ZC3H6: variants seen among roughly 807,000 people sequenced by gnomAD.
ZC3H6 encodes the protein zinc finger CCCH domain-containing protein 6.
Under a neutral mutation model 107.7 loss-of-function variants are expected in ZC3H6, and 40 were observed. The observed-to-expected ratio is 0.37, with a 90% CI of 0.29 to 0.48. The LOEUF (loss-of-function observed/expected upper bound fraction) is 0.48. Ranked by LOEUF, ZC3H6 falls within the 20% of genes least tolerant of loss-of-function variation. ZC3H6 has a pLI of 0.98. For synonymous variants in ZC3H6, 493 were observed against 487.9 expected (o/e 1.01, Z -0.14); for missense variants, 1,267 against 1,410.4 (o/e 0.90, Z 1.63).
At chr2:112,305,858 A>G (rs566860458) in intron 3 of ZC3H6, among the ~76,000 whole-genome samples, 1 of 152,292 alleles carries the variant, frequency 6.6e-6, no homozygotes, top group East Asian at 1.9e-4. Flanking sequence ...TATATCTTTC[A>G]TCCAGATTCC....
chr2:112,306,137 C>T (rs13031326), intron 3 of ZC3H6, among the ~76,000 whole-genome samples: 14,812 of 150,874 alleles, frequency 0.098, 1,003 homozygotes, highest in East Asian at 0.33. Context: ...AAATAGCAGA[C>T]TTCAGATACA....
In ZC3H6 at chr2:112,333,323, C is replaced by T. The variant is rs531705560; in HGVS notation, c.*835C>T. 5.9e-5 allele frequency: 9 copies of T among 152,640 alleles called. No individual in the cohort carries two copies. The highest frequency in any genetic ancestry group is 1.9e-4 in the African/African-American group (8 of 41,568). The allele number at this position is 152,640 out of a possible 1,614,324, so 9.5% of individuals were successfully genotyped here. A position where few individuals can be genotyped will look rare whatever the true frequency, so the allele number is the denominator to read the frequency against. On this transcript the variant is annotated 3_prime_UTR_variant, in exon 12 of 12. Coordinates refer to ENST00000409871, the MANE Select transcript of ZC3H6 (RefSeq NM_198581.3). ...GCTGCATTAATTGTGTTCATCATGACTTTGGCGATTTTTAACAAAATTTTT... is the reference window on the plus strand; with the variant it reads ...GCTGCATTAATTGTGTTCATCATGATTTTGGCGATTTTTAACAAAATTTTT...
intron 3 of ZC3H6, among the ~76,000 whole-genome samples, chr2:112,308,945 G>A (rs960526261): frequency 3.3e-5 from 5 of 151,836 alleles, no homozygotes; most frequent in Non-Finnish European, 7.4e-5. Flanking sequence ...CCAGCTACTT[G>A]GGAGGCTGAG....
At chr2:112,292,157 C>T (rs1377565470) in intron 1 of ZC3H6, among the ~76,000 whole-genome samples, 3 of 152,080 alleles carry the variant, frequency 2.0e-5, no homozygotes, top group Admixed American at 6.5e-5. Context: ...GAATGTTAAG[C>T]TCAGGGACAT....
intron 11 of ZC3H6, among the ~76,000 whole-genome samples, chr2:112,330,096 A>G (rs1573966833): frequency 6.7e-6 from 1 of 149,250 alleles, no homozygotes; most frequent in African/African-American, 2.5e-5. Flanking sequence ...TCTGTCGCCC[A>G]GGCTGGAGTG....
At position 112,281,224 on chromosome 2, in the gene ZC3H6, GC is replaced by G. The variant is rs1440815877; in HGVS notation, c.32+5201del. Among the ~76,000 whole-genome samples, 3 of 152,110 alleles carry G rather than the reference GC, an allele frequency of 2.0e-5. No homozygotes were observed. The East Asian group carries it at 5.8e-4, about 29-fold the overall frequency. On this transcript the variant is annotated intron_variant, in intron 1 of 11. Coordinates refer to ENST00000409871, the MANE Select transcript of ZC3H6 (RefSeq NM_198581.3). ...TGAAAGAGTAACATTTGAGCAAAGAGCCCTGATACAAGACAACAATTCAGAC... is the reference window on the plus strand; with the variant it reads ...TGAAAGAGTAACATTTGAGCAAAGAGCCTGATACAAGACAACAATTCAGAC...
chr2:112,284,587 A>G (rs1030280973), intron 1 of ZC3H6, among the ~76,000 whole-genome samples: 71 of 151,456 alleles, frequency 4.7e-4, no homozygotes, highest in African/African-American at 1.5e-3. Context: ...GATTGTTCCT[A>G]TGATTGCTGT....
chr2:112,326,967 T>C (rs1406546130), intron 11 of ZC3H6, among the ~76,000 whole-genome samples: 2 of 152,220 alleles, frequency 1.3e-5, no homozygotes, highest in South Asian at 4.1e-4. Flanking sequence ...TTGTGAATAA[T>C]GCTGCAGTAA....
intron 1 of ZC3H6, among the ~76,000 whole-genome samples, chr2:112,290,852 T>C (rs1304757512): frequency 1.3e-5 from 2 of 152,270 alleles, no homozygotes; most frequent in South Asian, 2.1e-4. Context: ...TTGGCTCAAA[T>C]TGGCATATGC....
At chr2:112,277,926 G>T (rs1686456641) in intron 1 of ZC3H6, among the ~76,000 whole-genome samples, 1 of 152,030 alleles carries the variant, frequency 6.6e-6, no homozygotes, top group Admixed American at 6.6e-5. Flanking sequence ...TTTCTTTAAA[G>T]TATTGGCGCT....
intron 1 of ZC3H6, among the ~76,000 whole-genome samples, chr2:112,277,933 C>T (rs1404213137): frequency 2.0e-5 from 3 of 152,004 alleles, no homozygotes; most frequent in Admixed American, 6.6e-5. Flanking sequence ...AAAGTATTGG[C>T]GCTATTTCTG....
rs1311224743 is a variant in ZC3H6 at position 112,276,035 on chromosome 2, C to T, written c.32+9C>T. ...CATGCAGGGCACGACAGGTCGGGAA[C>T]CCTTCTTGTCTGTCTTTCTGTCGGA... is the stretch of plus-strand genomic sequence containing the variant. On this transcript the variant is annotated intron_variant, in intron 1 of 11. Transcript: ENST00000409871. The T allele has an allele frequency of 3.2e-6, 5 of 1,540,904 alleles. No homozygotes were observed. The highest frequency in any genetic ancestry group is 1.4e-5 in the African/African-American group (1 of 71,210).
chr2:112,336,547 G>A lies in ZC3H6; in HGVS notation c.*4059G>A, dbSNP rs1201363284. On this transcript the variant is annotated 3_prime_UTR_variant, in exon 12 of 12. Transcript: ENST00000409871. ...ACATATATAACCAAACGGCCTAAGA[G>A]TTCAAAGCTATTTTCTTAGGTGTTA... is the stretch of plus-strand genomic sequence containing the variant. The A allele has an allele frequency of 1.3e-5, 2 of 152,144 alleles. No individual in the cohort carries two copies. The highest frequency in any genetic ancestry group is 2.9e-5 in the Non-Finnish European group (2 of 68,030). 9.4% of individuals were successfully genotyped at this position (152,144 alleles called of 1,614,324 possible). A position where few individuals can be genotyped will look rare whatever the true frequency, so the allele number is the denominator to read the frequency against.
chr2:112,311,980 C>A, intron 5 of ZC3H6, 43 bp downstream of exon 5: 1 of 1,512,376 alleles, frequency 6.6e-7, no homozygotes, highest in Non-Finnish European at 8.9e-7. Context: ...GCTTTTTCAT[C>A]TTTTAATTTA....
chr2:112,288,781 C>T (rs1686657789), intron 1 of ZC3H6, among the ~76,000 whole-genome samples: 1 of 152,180 alleles, frequency 6.6e-6, no homozygotes, highest in Non-Finnish European at 1.5e-5. Context: ...TTTGCCAGAA[C>T]CGTGGGTCTT....
Position 112,322,700 on chromosome 2 carries a change from G to T in ZC3H6, c.1138G>T (p.Glu380Ter). The change falls in exon 9 of 12, where the codon GAA becomes TAA. Residue 380 changes from glutamate (E) to a stop codon, truncating the protein, a stop_gained. Transcript: ENST00000409871. LOFTEE classifies it high-confidence loss of function. ...LINEDERELE[E>*]LRKRGITPLP... is the part of the protein sequence containing the mutation. Reference sequence around the variant, plus strand: ...AAATGAAGATGAAAGAGAATTAGAGGAACTTAGAAAGCGTGGCATAACTCC... The same window carrying T: ...AAATGAAGATGAAAGAGAATTAGAGTAACTTAGAAAGCGTGGCATAACTCC... The T allele has an allele frequency of 6.2e-7, 1 of 1,612,900 alleles. No homozygotes were observed. The highest frequency in any genetic ancestry group is 1.1e-5 in the South Asian group (1 of 90,732).
chr2:112,279,954 G>A lies in ZC3H6; in HGVS notation c.32+3928G>A, dbSNP rs201032550. 8.5e-5 allele frequency among the ~76,000 whole-genome samples: 13 copies of A among 152,290 alleles called. No individual in the cohort carries two copies. The East Asian group carries it at 2.5e-3, about 29-fold the overall frequency. On this transcript the variant is annotated intron_variant, in intron 1 of 11. Coordinates refer to ENST00000409871, the MANE Select transcript of ZC3H6 (RefSeq NM_198581.3). ...GAATAAGTTCTGGGCTTTAATCCTT[G>A]AGTAGTTTGGAATTGTAATGTGCTA...
At position 112,326,013 on chromosome 2, in the gene ZC3H6, G is replaced by A. The variant is rs114903288; in HGVS notation, c.2086+816G>A. Reference sequence around the variant, plus strand: ...GAAAAACTATGTAAAACTATGTAACGCTAGGTAGCTGCAAGCTATTATATG... The same window carrying A: ...GAAAAACTATGTAAAACTATGTAACACTAGGTAGCTGCAAGCTATTATATG... On this transcript the variant is annotated intron_variant, in intron 11 of 11. Transcript: ENST00000409871. Among the ~76,000 whole-genome samples, 502 of 151,884 alleles carry A rather than the reference G, an allele frequency of 3.3e-3. 4 individuals carry two copies. Among genetic ancestry groups the A allele is most frequent in the African/African-American group, 0.012 (484 of 41,484 alleles).
Position 112,276,002 on chromosome 2 carries a change from ACT to A in ZC3H6, c.11_12del (p.Ser4Ter). ...CCCCGTTCTTGACCAAACATGACAGACTCTGAACATGCAGGGCACGACAGGTC... is the reference window on the plus strand; with the variant it reads ...CCCCGTTCTTGACCAAACATGACAGACTGAACATGCAGGGCACGACAGGTC... On this transcript the variant is annotated frameshift_variant, in exon 1 of 12. Coordinates refer to ENST00000409871, the MANE Select transcript of ZC3H6 (RefSeq NM_198581.3). LOFTEE classifies it high-confidence loss of function. 1 of 1,538,070 alleles carries A rather than the reference ACT, an allele frequency of 6.5e-7. No homozygotes were observed. The highest frequency in any genetic ancestry group is 8.8e-7 in the Non-Finnish European group (1 of 1,141,762).
Sources: allele counts gnomAD v4.1 joint callset (sites outside exome capture counted in the v4.1 genomes callset), GRCh38; gene constraint gnomAD v4.1.1; transcripts MANE v1.5; gene names NCBI Gene and HGNC (gene_info 2026-07-23, HGNC 2026-07-21).